OR5AN1: variants seen among roughly 807,000 people sequenced by gnomAD.
OR5AN1 encodes the protein olfactory receptor family 5 subfamily AN member 1.
For synonymous variants in OR5AN1, 167 were observed against 131.8 expected (o/e 1.27, Z -1.83); for missense variants, 476 against 368.9 (o/e 1.29, Z -2.38).
Position 59,371,104 on chromosome 11 carries a change from C to G in OR5AN1, c.*5710C>G, listed in dbSNP as rs1033983695. On this transcript the variant is annotated 3_prime_UTR_variant, in exon 2 of 2. Transcript: ENST00000641998. ...TTAAACAAAGGTAAGACTAGACTTT[C>G]TCTGAATATGCTATTTGGCAACTTG... 2.7e-5 allele frequency: 4 copies of G among 150,024 alleles called. No homozygotes were observed. Among genetic ancestry groups the G allele is most frequent in the African/African-American group, 9.8e-5 (4 of 40,932 alleles). 9.3% of individuals were successfully genotyped at this position (150,024 alleles called of 1,614,324 possible). A position where few individuals can be genotyped will look rare whatever the true frequency, so the allele number is the denominator to read the frequency against.
Position 59,359,277 on chromosome 11 carries a change from T to C in OR5AN1, c.-14+5T>C, listed in dbSNP as rs1461008310. 1 of 152,196 alleles carries C rather than the reference T, an allele frequency of 6.6e-6. No homozygotes were observed. The highest frequency in any genetic ancestry group is 2.4e-5 in the African/African-American group (1 of 41,442). 9.4% of individuals were successfully genotyped at this position (152,196 alleles called of 1,614,324 possible). On this transcript the variant is annotated splice_donor_5th_base_variant and intron_variant, in intron 1 of 1. Transcript: ENST00000641998. The stretch of plus-strand genomic sequence containing the variant: ...ACCTCAAACATAAAATTTCAGGTAT[T>C]ATTCTGGAGTGAGGGATGGGTATTG...
chr11:59,364,481 C>A lies in OR5AN1; in HGVS notation c.23C>A (p.Thr8Lys). 6.2e-7 allele frequency: 1 copy of A among 1,610,548 alleles called. No individual in the cohort carries two copies. The highest frequency in any genetic ancestry group is 1.1e-5 in the South Asian group (1 of 90,424). The change falls in exon 2 of 2, where the codon ACA becomes AAA. Residue 8 changes from threonine (T) to lysine (K), a missense_variant. By Grantham distance (78) the Thr-to-Lys change is moderately conservative. Coordinates refer to ENST00000641998, the MANE Select transcript of OR5AN1 (RefSeq NM_001004729.2). MTGGGNITEITYFILLGF... is the reference protein window; with the variant it reads MTGGGNIKEITYFILLGF... ...CCAATGACTGGGGGAGGAAATATTA[C>A]AGAAATCACCTATTTCATCCTGCTG...
Position 59,365,093 on chromosome 11 carries a change from C to A in OR5AN1, c.635C>A (p.Ala212Asp). Reference protein sequence around the residue: ...ILTMFFGIASALVIMISYGYI... With the variant: ...ILTMFFGIASDLVIMISYGYI... Reference sequence around the variant, plus strand: ...ACCATGTTCTTTGGGATAGCAAGTGCCCTAGTTATCATGATATCCTATGGC... The same window carrying A: ...ACCATGTTCTTTGGGATAGCAAGTGACCTAGTTATCATGATATCCTATGGC... Residue 212 changes from alanine (A) to aspartate (D), a missense_variant, in exon 2 of 2, where the codon GCC (alanine) becomes GAC (aspartate). Physicochemically the swap from Ala to Asp is moderately radical, Grantham distance 126. Transcript: ENST00000641998. The A allele has an allele frequency of 6.2e-7, 1 of 1,614,072 alleles. No homozygotes were observed. The highest frequency in any genetic ancestry group is 8.5e-7 in the Non-Finnish European group (1 of 1,179,990).
At chr11:59,363,997 A>T (rs1034709098) in intron 1 of OR5AN1, among the ~76,000 whole-genome samples, 13 of 152,140 alleles carry the variant, frequency 8.5e-5, no homozygotes, top group Admixed American at 2.0e-4. Context: ...TCCTGATCTC[A>T]GGTGATCCAC....
At position 59,370,419 on chromosome 11, in the gene OR5AN1, C is replaced by T. The variant is rs1310626173; in HGVS notation, c.*5025C>T. ...CAAAATAAAGGGAAGGAGAAACTTC[C>T]ATGGCTGATTTGTTACTGTTGCTGC... On this transcript the variant is annotated 3_prime_UTR_variant, in exon 2 of 2. Coordinates refer to ENST00000641998, the MANE Select transcript of OR5AN1 (RefSeq NM_001004729.2). The T allele has an allele frequency of 6.6e-6, 1 of 152,152 alleles. No homozygotes were observed. The highest frequency in any genetic ancestry group is 2.4e-5 in the African/African-American group (1 of 41,430). The allele number at this position is 152,152 out of a possible 1,614,324, so 9.4% of individuals were successfully genotyped here. A position where few individuals can be genotyped will look rare whatever the true frequency, so the allele number is the denominator to read the frequency against.
Position 59,366,248 on chromosome 11 carries a change from A to G in OR5AN1, c.*854A>G, listed in dbSNP as rs1412867076. On this transcript the variant is annotated 3_prime_UTR_variant, in exon 2 of 2. Coordinates refer to ENST00000641998, the MANE Select transcript of OR5AN1 (RefSeq NM_001004729.2). The stretch of plus-strand genomic sequence containing the variant: ...GACTCAAACTTTCTTTTTCTCCCCC[A>G]TTAAATTTAGAAAATTTACTCTTGT... The G allele has an allele frequency of 6.6e-6, 1 of 152,244 alleles. No homozygotes were observed. Among genetic ancestry groups the G allele is most frequent in the Admixed American group, 6.5e-5 (1 of 15,278 alleles). The allele number at this position is 152,244 out of a possible 1,614,324, so 9.4% of individuals were successfully genotyped here.
rs1857562430 is a variant in OR5AN1 at position 59,368,717 on chromosome 11, A to T, written c.*3323A>T. ...GGAGTCAAACAAATGACCCTTAGCC[A>T]CAACCATTACGAAGATCTCTTCCAC... On this transcript the variant is annotated 3_prime_UTR_variant, in exon 2 of 2. Coordinates refer to ENST00000641998, the MANE Select transcript of OR5AN1 (RefSeq NM_001004729.2). 1 of 152,260 alleles carries T rather than the reference A, an allele frequency of 6.6e-6. No homozygotes were observed. The highest frequency in any genetic ancestry group is 2.1e-4 in the South Asian group (1 of 4,830). The allele number at this position is 152,260 out of a possible 1,614,324, so 9.4% of individuals were successfully genotyped here. A position where few individuals can be genotyped will look rare whatever the true frequency, so the allele number is the denominator to read the frequency against.
rs368235228 is a variant in OR5AN1, at chr11:59,364,870, T to C, written c.412T>C (p.Ser138Pro). Residue 138 changes from serine to proline, a missense_variant, in exon 2 of 2, where the codon TCA becomes CCA. By Grantham distance (74) the Ser-to-Pro change is moderately conservative. Transcript: ENST00000641998. ...CCCCCTGCTCTATTCATCCATCATG[T>C]CACCCACCCTCTGTGTTTGGATGGT... The part of the protein sequence containing the change: ...CNPLLYSSIM[S>P]PTLCVWMVLG... 5 of 1,613,898 alleles carry C rather than the reference T, an allele frequency of 3.1e-6. No individual in the cohort carries two copies. The African/African-American group carries it at 5.3e-5, about 17-fold the overall frequency.
chr11:59,362,124 A>T (rs1163959279), intron 1 of OR5AN1, among the ~76,000 whole-genome samples: 1 of 152,152 alleles, frequency 6.6e-6, no homozygotes, highest in Non-Finnish European at 1.5e-5. Flanking sequence ...TGCACTCATC[A>T]GTGGTCATAT....
chr11:59,363,703 C>T (rs1048562671), intron 1 of OR5AN1, among the ~76,000 whole-genome samples: 3 of 152,080 alleles, frequency 2.0e-5, no homozygotes, highest in African/African-American at 7.2e-5. Context: ...AGATAACAAT[C>T]CAGGGCAGGA....
chr11:59,365,370 G>T lies in OR5AN1; in HGVS notation c.912G>T (p.Arg304Ser). 1.3e-6 allele frequency: 2 copies of T among 1,597,288 alleles called. No homozygotes were observed. The highest frequency in any genetic ancestry group is 1.7e-6 in the Non-Finnish European group (2 of 1,173,116). ...RNKEIKDALK[R>S]LQKRKCC Reference sequence around the variant, plus strand: ...AAGAAATTAAAGATGCCTTAAAGAGGTTGCAAAAGAGAAAGTGCTGCTGAG... The same window carrying T: ...AAGAAATTAAAGATGCCTTAAAGAGTTTGCAAAAGAGAAAGTGCTGCTGAG... Residue 304 changes from arginine (R) to serine (S), a missense_variant, in exon 2 of 2, where the codon AGG becomes AGT. By Grantham distance (110) the Arg-to-Ser change is moderately radical. Coordinates refer to ENST00000641998, the MANE Select transcript of OR5AN1 (RefSeq NM_001004729.2).
chr11:59,365,488 GC>G lies in OR5AN1; in HGVS notation c.*95del. ...ATGAATGGACTATAACAAAATTCAT[GC>G]TGCCTACTGCCTTTGGACAAAGAAG... On this transcript the variant is annotated 3_prime_UTR_variant, in exon 2 of 2. Coordinates refer to ENST00000641998, the MANE Select transcript of OR5AN1 (RefSeq NM_001004729.2). 1.4e-6 allele frequency: 1 copy of G among 739,452 alleles called. No homozygotes were observed. Among genetic ancestry groups the G allele is most frequent in the Non-Finnish European group, 2.2e-6 (1 of 461,508 alleles). The allele number at this position is 739,452 out of a possible 1,614,324, so 45.8% of individuals were successfully genotyped here. A position where few individuals can be genotyped will look rare whatever the true frequency, so the allele number is the denominator to read the frequency against.
rs774131729 is a variant in OR5AN1, at chr11:59,365,045, T to TG, written c.587_588insG (p.Gln197ThrfsTer37). On this transcript the variant is annotated frameshift_variant, in exon 2 of 2. Transcript: ENST00000641998. LOFTEE classifies it low-confidence loss of function (END_TRUNC). ...TTGTCCTGTACTGACACTTTCTTTG[T>TG]ACAGGTCATGACTGCTATATTAACC... 12 of 1,614,024 alleles carry TG rather than the reference T, an allele frequency of 7.4e-6. No homozygotes were observed. The African/African-American group carries it at 1.6e-4, about 22-fold the overall frequency.
At chr11:59,359,472 C>T (rs1271544272) in intron 1 of OR5AN1, 200 bp downstream of exon 1, 1 of 152,112 alleles carries the variant, frequency 6.6e-6, no homozygotes, top group African/African-American at 2.4e-5. Flanking sequence ...TCAAAACCTG[C>T]TTGGGTATGT....
In OR5AN1 at chr11:59,364,648, C is replaced by T; in HGVS notation, c.190C>T (p.Leu64Phe). 1.9e-6 allele frequency: 3 copies of T among 1,614,014 alleles called. No individual in the cohort carries two copies. Among genetic ancestry groups the T allele is most frequent in the Non-Finnish European group, 2.5e-6 (3 of 1,179,946 alleles). The change falls in exon 2 of 2, where the codon CTC becomes TTC. Residue 64 changes from leucine (L) to phenylalanine (F), a missense_variant. Physicochemically the swap from Leu to Phe is conservative, Grantham distance 22. Coordinates refer to ENST00000641998, the MANE Select transcript of OR5AN1 (RefSeq NM_001004729.2). ...CCTCCATACACCCATGTATTTCTTC[C>T]TCAGTAACCTGTCCTTCATAGATGT... Reference protein sequence around the residue: ...SHLHTPMYFFLSNLSFIDVCY... With the variant: ...SHLHTPMYFFFSNLSFIDVCY...
At position 59,366,533 on chromosome 11, in the gene OR5AN1, A is replaced by G. The variant is rs1195829682; in HGVS notation, c.*1139A>G. On this transcript the variant is annotated 3_prime_UTR_variant, in exon 2 of 2. Coordinates refer to ENST00000641998, the MANE Select transcript of OR5AN1 (RefSeq NM_001004729.2). ...AGTTAACCAATATACTTCATAATTT[A>G]AAATTAAAAATTTTCTCCTTGTCCA... The G allele has an allele frequency of 6.6e-6, 1 of 152,226 alleles. No homozygotes were observed. The highest frequency in any genetic ancestry group is 1.5e-5 in the Non-Finnish European group (1 of 68,042). The allele number at this position is 152,226 out of a possible 1,614,324, so 9.4% of individuals were successfully genotyped here.
rs1035155522 is a variant in OR5AN1 at position 59,369,716 on chromosome 11, C to A, written c.*4322C>A. The stretch of plus-strand genomic sequence containing the variant: ...TTCAGAATATTGTCCATGAAAATAT[C>A]CCCAACCTTGCTAGAGAGGACAACA... On this transcript the variant is annotated 3_prime_UTR_variant, in exon 2 of 2. Coordinates refer to ENST00000641998, the MANE Select transcript of OR5AN1 (RefSeq NM_001004729.2). 6.6e-6 allele frequency: 1 copy of A among 152,136 alleles called. No individual in the cohort carries two copies. Among genetic ancestry groups the A allele is most frequent in the African/African-American group, 2.4e-5 (1 of 41,416 alleles). 9.4% of individuals were successfully genotyped at this position (152,136 alleles called of 1,614,324 possible). A position where few individuals can be genotyped will look rare whatever the true frequency, so the allele number is the denominator to read the frequency against.
chr11:59,360,569 G>T (rs34730029), intron 1 of OR5AN1, among the ~76,000 whole-genome samples: 27,867 of 151,968 alleles, frequency 0.18, 3,239 homozygotes, highest in Non-Finnish European at 0.27. Flanking sequence ...TTTTCCTAAT[G>T]CTCTCCCTCC....
chr11:59,361,424 G>T (rs1857461213), intron 1 of OR5AN1, among the ~76,000 whole-genome samples: 1 of 152,154 alleles, frequency 6.6e-6, no homozygotes, highest in African/African-American at 2.4e-5. Flanking sequence ...GGGACTACAG[G>T]CGTGCGCCAC....
Sources: allele counts gnomAD v4.1 joint callset (sites outside exome capture counted in the v4.1 genomes callset), GRCh38; gene constraint gnomAD v4.1.1; transcripts MANE v1.5; gene names NCBI Gene and HGNC (gene_info 2026-07-23, HGNC 2026-07-21).